Variants in DLGAP2 observed in about 807,000 individuals in gnomAD.
DLGAP2 encodes the protein disks large-associated protein 2.
DLGAP2 carries 26 observed loss-of-function variants against 100.3 expected under a neutral mutation model. The ratio of observed to expected loss-of-function variants is 0.26; its 90% CI spans 0.19 to 0.36. The LOEUF (loss-of-function observed/expected upper bound fraction) is 0.36, where lower values mean the gene tolerates loss of function less well. DLGAP2 is among the 10% of genes least tolerant of loss of function. The pLI is 1.00. For missense variants in DLGAP2, 1,858 were observed against 1,453.2 expected (o/e 1.28, Z -4.53); for synonymous variants, 886 against 630.1 (o/e 1.41, Z -6.08).
chr8:963,063 C>T (rs899174490), intron 2 of DLGAP2, among the ~76,000 whole-genome samples: 8 of 152,136 alleles, frequency 5.3e-5, no homozygotes, highest in African/African-American at 1.2e-4. Flanking sequence ...GTGTGGGCTT[C>T]GGTGCGGGCG....
intron 1 of DLGAP2, among the ~76,000 whole-genome samples, chr8:772,260 A>G (rs550182090): frequency 3.7e-4 from 56 of 152,252 alleles, no homozygotes; most frequent in African/African-American, 1.2e-3. Flanking sequence ...AGGCAAAATC[A>G]TGTTTAATAA....
intron 2 of DLGAP2, among the ~76,000 whole-genome samples, chr8:914,172 G>A (rs1267517182): frequency 3.3e-5 from 5 of 152,138 alleles, no homozygotes; most frequent in African/African-American, 9.7e-5. Flanking sequence ...AATTCCATAC[G>A]ATGTGATTCA....
intron 3 of DLGAP2, among the ~76,000 whole-genome samples, chr8:1,356,055 G>A (rs892040691): frequency 3.3e-5 from 5 of 152,216 alleles, no homozygotes; most frequent in Admixed American, 1.3e-4. Context: ...CGGTCAGTAT[G>A]GGGCGGCCCT....
intron 2 of DLGAP2, among the ~76,000 whole-genome samples, chr8:1,051,520 C>G (rs1271873122): frequency 6.6e-6 from 1 of 152,220 alleles, no homozygotes; most frequent in African/African-American, 2.4e-5. Flanking sequence ...ATAAAGATGA[C>G]ATACGCAGAG....
At chr8:1,067,571 G>A (rs1803294729) in intron 2 of DLGAP2, among the ~76,000 whole-genome samples, 1 of 151,634 alleles carries the variant, frequency 6.6e-6, no homozygotes, top group Admixed American at 6.6e-5. Context: ...CCATTTTCCA[G>A]ATGGGAAAAC....
chr8:1,459,672 T>A (rs1798417850), intron 3 of DLGAP2, among the ~76,000 whole-genome samples: 1 of 147,136 alleles, frequency 6.8e-6, no homozygotes, highest in Non-Finnish European at 1.5e-5. Context: ...GCATTTTAAA[T>A]TCTGTTGTTT....
chr8:1,024,157 TCCACCACCCACC>T, intron 2 of DLGAP2, among the ~76,000 whole-genome samples: 1 of 141,610 alleles, frequency 7.1e-6, no homozygotes, highest in East Asian at 2.1e-4. Context: ...AGATGCTCCA[TCCACCACCCACC>T]CTCCCTGGGG....
chr8:1,008,717 C>T (rs1422789385), intron 2 of DLGAP2, among the ~76,000 whole-genome samples: 2 of 152,210 alleles, frequency 1.3e-5, no homozygotes, highest in African/African-American at 2.4e-5. Context: ...ATCGCCATGC[C>T]AGGGCCGGTT....
At chr8:1,187,465 C>G (rs367688077) in intron 2 of DLGAP2, among the ~76,000 whole-genome samples, 1 of 126,216 alleles carries the variant, frequency 7.9e-6, no homozygotes. Context: ...CCGGGACCTC[C>G]GTGACATTTG....
intron 2 of DLGAP2, among the ~76,000 whole-genome samples, chr8:1,179,674 A>C (rs1199904018): frequency 6.6e-6 from 1 of 152,244 alleles, no homozygotes; most frequent in Non-Finnish European, 1.5e-5. Context: ...TGTGTTTTAA[A>C]CATATATTAA....
intron 1 of DLGAP2, among the ~76,000 whole-genome samples, chr8:873,914 T>C (rs1797644620): frequency 6.6e-6 from 1 of 152,194 alleles, no homozygotes; most frequent in African/African-American, 2.4e-5. Flanking sequence ...TCTGTTTAGA[T>C]TGTTTTCTCT....
At chr8:1,585,095 T>A (rs956023171) in intron 6 of DLGAP2, among the ~76,000 whole-genome samples, 1 of 152,194 alleles carries the variant, frequency 6.6e-6, no homozygotes, top group Non-Finnish European at 1.5e-5. Flanking sequence ...GTTTTTGGCC[T>A]GCTACAACTG....
intron 2 of DLGAP2, among the ~76,000 whole-genome samples, chr8:1,066,840 G>C (rs558150468): frequency 8.5e-5 from 13 of 152,346 alleles, no homozygotes; most frequent in African/African-American, 2.9e-4. Context: ...GATGGGACGT[G>C]GGAGAGCTGC....
intron 1 of DLGAP2, among the ~76,000 whole-genome samples, chr8:859,095 C>G (rs1030616526): frequency 2.0e-5 from 3 of 148,834 alleles, no homozygotes; most frequent in African/African-American, 7.4e-5. Context: ...GAGACATAGA[C>G]CAGCCCCACC....
In DLGAP2 at chr8:1,537,250, C is replaced by A. The variant is rs530351170; in HGVS notation, c.173-11376C>A. 3.9e-5 allele frequency among the ~76,000 whole-genome samples: 6 copies of A among 152,166 alleles called. No homozygotes were observed. The South Asian group carries it at 1.2e-3, about 32-fold the overall frequency. On this transcript the variant is annotated intron_variant, in intron 4 of 14. Transcript: ENST00000637795. Reference sequence around the variant, plus strand: ...GCATCTGTGTGTTTGCGTGTGCGTGCAAGTTTGTGCATGTGCATAATCATG... The same window carrying A: ...GCATCTGTGTGTTTGCGTGTGCGTGAAAGTTTGTGCATGTGCATAATCATG...
intron 2 of DLGAP2, among the ~76,000 whole-genome samples, chr8:1,039,575 G>A (rs1375295769): frequency 1.8e-5 from 2 of 112,380 alleles, no homozygotes; most frequent in African/African-American, 7.6e-5. Context: ...GGTGTGCGTG[G>A]TCAGCTCGGT....
chr8:1,644,216 T>C (rs1166425497), intron 8 of DLGAP2, among the ~76,000 whole-genome samples: 2 of 152,162 alleles, frequency 1.3e-5, no homozygotes, highest in Non-Finnish European at 2.9e-5. Context: ...CCACCCACTC[T>C]CCATCCTGCC....
intron 1 of DLGAP2, among the ~76,000 whole-genome samples, chr8:776,978 G>C (rs1821537264): frequency 6.6e-6 from 1 of 152,064 alleles, no homozygotes; most frequent in South Asian, 2.1e-4. Flanking sequence ...TTAATATGTG[G>C]GAGTCTAAGT....
chr8:877,545 G>C (rs980189155), intron 1 of DLGAP2, among the ~76,000 whole-genome samples: 1 of 152,212 alleles, frequency 6.6e-6, no homozygotes, highest in Non-Finnish European at 1.5e-5. Context: ...GGCATACATT[G>C]CTTCACAAAT....
Sources: allele counts gnomAD v4.1 joint callset (sites outside exome capture counted in the v4.1 genomes callset), GRCh38; gene constraint gnomAD v4.1.1; transcripts MANE v1.5; gene names NCBI Gene and HGNC (gene_info 2026-07-23, HGNC 2026-07-21).